Variants in GTPBP6 observed in about 807,000 individuals in gnomAD.
GTPBP6 encodes GTP binding protein 6.
A neutral mutation model predicts 28.9 loss-of-function variants in GTPBP6; 33 were observed. The observed-to-expected ratio is 1.14, with a 90% CI of 0.87 to 1.53. The LOEUF (loss-of-function observed/expected upper bound fraction) is 1.53, where lower values mean the gene tolerates loss of function less well. GTPBP6 is among the 40% of genes most tolerant of loss of function. GTPBP6 has a pLI of 0.00. For missense variants in GTPBP6, 507 were observed against 408.3 expected (o/e 1.24, Z -2.08); for synonymous variants, 231 against 192.7 (o/e 1.20, Z -1.65).
chrX:314,129 G>T, intron 5 of GTPBP6, 21 bp downstream of exon 5: 1 of 1,600,306 alleles, frequency 6.2e-7, no homozygotes, highest in Non-Finnish European at 8.6e-7. Flanking sequence ...CCTCTGGGAC[G>T]CCGCGCCCGG....
chrX:317,257 C>G (rs1456510051), intron 1 of GTPBP6, among the ~76,000 whole-genome samples: 29 of 152,242 alleles, frequency 1.9e-4, no homozygotes, highest in Non-Finnish European at 3.8e-4. Flanking sequence ...CACAGCGGGA[C>G]ACGAGGGCGA....
intron 1 of GTPBP6, among the ~76,000 whole-genome samples, chrX:317,529 G>A (rs1363434963): frequency 1.7e-5 from 2 of 119,372 alleles, no homozygotes; most frequent in South Asian, 2.7e-4. Flanking sequence ...GACACGTGCA[G>A]CGACTTATTC....
chrX:318,613 C>G (rs1842292421), exon 1 of GTPBP6: 1 of 397,956 alleles, frequency 2.5e-6, no homozygotes, highest in Non-Finnish European at 4.4e-6. Flanking sequence ...CCGCCGTCCG[C>G]CCGCAGGCCC....
At chrX:305,098 T>C (rs1280390837) in exon 10 of GTPBP6, 1 of 1,613,212 alleles carries the variant, frequency 6.2e-7, no homozygotes. Context: ...GCTTCCGGAA[T>C]TTGCCGTAGG....
chrX:305,800 A>ATTTTTTTT, intron 9 of GTPBP6, among the ~76,000 whole-genome samples: 1 of 131,900 alleles, frequency 7.6e-6, no homozygotes, highest in African/African-American at 3.0e-5. Context: ...AATTTTTTGT[A>ATTTTTTTT]TTTTTATTAG....
At chrX:315,553 G>GACACACACACAC (rs1215331200) in intron 2 of GTPBP6, among the ~76,000 whole-genome samples, 12 of 110,468 alleles carry the variant, frequency 1.1e-4, no homozygotes, top group South Asian at 6.4e-4. Flanking sequence ...TACACACGCA[G>GACACACACACAC]ACACACACAC....
chrX:307,604 G>A, intron 8 of GTPBP6, 92 bp from the exon 9 acceptor site: 1 of 1,470,078 alleles, frequency 6.8e-7, no homozygotes, highest in Non-Finnish European at 9.2e-7. Flanking sequence ...ACGGGGCACA[G>A]TCTGGGGCCA....
Position 315,268 on chromosome X carries a change from G to A in GTPBP6, c.519C>T (p.Cys173=), listed in dbSNP as rs1395210488. ...CCATCCTCTCCACGTTCAGGAAGAC[G>A]CACGTGATGTCTGGAGACCCTCGGA... is the stretch of plus-strand genomic sequence containing the variant. Residue 173 remains cysteine (C), a synonymous_variant, in exon 3 of 10, where the codon TGC becomes TGT. Transcript: ENST00000326153. The A allele has an allele frequency of 1.4e-4, 55 of 398,554 alleles. No homozygotes were observed. The South Asian group carries it at 3.9e-3, about 29-fold the overall frequency. 24.7% of individuals were successfully genotyped at this position (398,554 alleles called of 1,614,324 possible). A position where few individuals can be genotyped will look rare whatever the true frequency, so the allele number is the denominator to read the frequency against.
chrX:311,196 T>TCCGAAGGCCAGGCCCCTGGG (rs1556031600), intron 7 of GTPBP6, among the ~76,000 whole-genome samples: 2 of 146,836 alleles, frequency 1.4e-5, no homozygotes, highest in Admixed American at 1.4e-4. Flanking sequence ...TGGGTGGGTG[T>TCCGAAGGCCAGGCCCCTGGG]CTGAGGGCCC....
chrX:311,369 C>G (rs754607150), intron 7 of GTPBP6, 50 bp downstream of exon 7: 5 of 1,366,770 alleles, frequency 3.7e-6, no homozygotes, highest in Non-Finnish European at 5.1e-6. Context: ...GCCCAGCCCC[C>G]GTGCCGAATG....
At chrX:312,002 G>T in intron 6 of GTPBP6, 1 of 520,334 alleles carries the variant, frequency 1.9e-6, no homozygotes, top group Non-Finnish European at 3.6e-6. Context: ...CACAGGGGAG[G>T]TGATGGTGTA....
chrX:309,295 G>A (rs768657617), intron 7 of GTPBP6, among the ~76,000 whole-genome samples: 105 of 152,178 alleles, frequency 6.9e-4, no homozygotes, highest in African/African-American at 2.0e-3. Flanking sequence ...CCCTACGGCC[G>A]GGGGCAGTTC....
At chrX:312,618 C>G (rs1457632322) in intron 6 of GTPBP6, 148 bp downstream of exon 6, 1 of 828,056 alleles carries the variant, frequency 1.2e-6, no homozygotes, top group East Asian at 2.6e-5. Context: ...CACACGGCGA[C>G]CATGGGAACC....
At chrX:306,644 G>A (rs1269284573) in intron 9 of GTPBP6, among the ~76,000 whole-genome samples, 2 of 147,820 alleles carry the variant, frequency 1.4e-5, no homozygotes, top group Non-Finnish European at 3.0e-5. Flanking sequence ...TGTCAGCACA[G>A]ATTAGGCACC....
chrX:305,995 C>T (rs2070154410), intron 9 of GTPBP6, among the ~76,000 whole-genome samples: 4 of 151,652 alleles, frequency 2.6e-5, no homozygotes, highest in Admixed American at 2.6e-4. Context: ...CTCCTCTCAG[C>T]TCAAGCAATC....
At chrX:317,303 G>A (rs1175372223) in intron 1 of GTPBP6, among the ~76,000 whole-genome samples, 5 of 152,014 alleles carry the variant, frequency 3.3e-5, no homozygotes, top group Admixed American at 6.6e-5. Flanking sequence ...CCAGGCGGGC[G>A]CAGCAGGGAA....
intron 3 of GTPBP6, 100 bp from the exon 4 acceptor site, chrX:315,120 G>C (rs1342163932): frequency 4.8e-5 from 19 of 398,606 alleles, no homozygotes; most frequent in Non-Finnish European, 6.2e-5. Context: ...TAACCCCACC[G>C]TGTCCCCATC....
intron 1 of GTPBP6, among the ~76,000 whole-genome samples, chrX:317,533 C>T (rs2070459339): frequency 8.3e-6 from 1 of 120,842 alleles, no homozygotes; most frequent in Non-Finnish European, 1.6e-5. Context: ...CGTGCAGCGA[C>T]TTATTCATTT....
rs1440124051 is a variant in GTPBP6, at chrX:316,244, T to C, written c.487+670A>G. On this transcript the variant is annotated intron_variant, in intron 2 of 9. Transcript: ENST00000326153. The stretch of plus-strand genomic sequence containing the variant: ...ACATCCCAGCAGGGACACAAACACA[T>C]ACACACGCAGACACACACACAGACA... Among the ~76,000 whole-genome samples, 13 of 38,940 alleles carry C rather than the reference T, an allele frequency of 3.3e-4. 3 individuals carry two copies. In the East Asian group the frequency reaches 6.1e-3, roughly 18 times the overall value. 25.5% of individuals were successfully genotyped at this position (38,940 alleles called of 152,430 possible).
Sources: gnomAD v4.1 joint callset for allele counts (sites outside exome capture counted in the v4.1 genomes callset) on GRCh38, gnomAD v4.1.1 for gene constraint, MANE v1.5 for transcripts, NCBI Gene and HGNC (gene_info 2026-07-23, HGNC 2026-07-21) for gene names.